Variants in MME observed in about 807,000 individuals in gnomAD.
MME encodes the protein neprilysin.
MME carries 98 observed loss-of-function variants against 113.2 expected under a neutral mutation model. The observed-to-expected ratio is 0.87, with a 90% confidence interval of 0.74 to 1.02. MME has a LOEUF of 1.02. MME is among the 50% of genes least tolerant of loss of function. The probability of loss-of-function intolerance (pLI) is 0.00; values close to 1 mark genes in which losing one functional copy is unlikely to be tolerated. For missense variants in MME, 836 were observed against 896.0 expected, an observed-to-expected ratio of 0.93 and a Z score of 0.86; for synonymous variants, 292 against 300.6, an observed-to-expected ratio of 0.97 and a Z score of 0.30.
chr3:155,058,635 G>A (rs1714021928), intron 1 of MME, among the ~76,000 whole-genome samples: 1 of 152,066 alleles, frequency 6.6e-6, no homozygotes, highest in Admixed American at 6.5e-5. Context: ...CATTGGAATT[G>A]AATGTATAAT....
intron 3 of MME, among the ~76,000 whole-genome samples, chr3:155,106,427 A>G (rs1332436608): frequency 6.6e-6 from 1 of 152,160 alleles, no homozygotes; most frequent in Non-Finnish European, 1.5e-5. Flanking sequence ...AAAAATGGAG[A>G]GTGGATTGTG....
intron 1 of MME, among the ~76,000 whole-genome samples, chr3:155,030,779 G>T (rs952141626): frequency 2.0e-5 from 3 of 152,162 alleles, no homozygotes; most frequent in Non-Finnish European, 4.4e-5. Context: ...CTGTCTGGCT[G>T]TATTTTCTAC....
At chr3:155,128,242 G>A (rs922217571) in intron 8 of MME, among the ~76,000 whole-genome samples, 1 of 152,096 alleles carries the variant, frequency 6.6e-6, no homozygotes, top group Non-Finnish European at 1.5e-5. Context: ...GGGTGAGAGC[G>A]TGTGTAGTTA....
rs1713148016 is a variant in MME at position 155,182,073 on chromosome 3, T to C, written c.*1614T>C. 6.6e-6 allele frequency: 1 copy of C among 152,158 alleles called. No homozygotes were observed. The highest frequency in any genetic ancestry group is 1.5e-5 in the Non-Finnish European group (1 of 68,014). The allele number at this position is 152,158 out of a possible 1,614,324, so 9.4% of individuals were successfully genotyped here. A position where few individuals can be genotyped will look rare whatever the true frequency, so the allele number is the denominator to read the frequency against. ...TACCAGCGCTCTAAAAGCACCTCCTTGTCACTTTATTACTCCCAGAACAAC... is the reference window on the plus strand; with the variant it reads ...TACCAGCGCTCTAAAAGCACCTCCTCGTCACTTTATTACTCCCAGAACAAC... On this transcript the variant is annotated 3_prime_UTR_variant, in exon 23 of 23. Transcript: ENST00000360490.
At chr3:155,056,657 T>C (rs1252057307) in intron 1 of MME, among the ~76,000 whole-genome samples, 1 of 151,988 alleles carries the variant, frequency 6.6e-6, no homozygotes, top group African/African-American at 2.4e-5. Flanking sequence ...TGTGTCTTTA[T>C]AGCAGCATGA....
intron 1 of MME, among the ~76,000 whole-genome samples, chr3:155,072,755 G>T (rs1714623242): frequency 6.6e-6 from 1 of 152,142 alleles, no homozygotes; most frequent in African/African-American, 2.4e-5. Flanking sequence ...ATATCTGCAG[G>T]TTTTTTCTGA....
intron 17 of MME, among the ~76,000 whole-genome samples, chr3:155,164,970 A>G (rs556000987): frequency 8.4e-4 from 128 of 152,248 alleles, no homozygotes; most frequent in African/African-American, 2.9e-3. Context: ...AGCCCATGCA[A>G]GGTTATACTG....
chr3:155,158,900 T>C (rs1722507729), intron 16 of MME: 1 of 152,034 alleles, frequency 6.6e-6, no homozygotes, highest in African/African-American at 2.4e-5. Context: ...AAATGCTTTC[T>C]CGATTTAAAA....
chr3:155,173,126 G>A (rs537570532), intron 22 of MME, among the ~76,000 whole-genome samples: 20 of 152,088 alleles, frequency 1.3e-4, no homozygotes, highest in Non-Finnish European at 2.4e-4. Context: ...GTAGAAAACT[G>A]AGCTAGAAGA....
intron 1 of MME, among the ~76,000 whole-genome samples, chr3:155,069,287 C>A (rs1279876583): frequency 6.6e-6 from 1 of 151,950 alleles, no homozygotes; most frequent in Admixed American, 6.6e-5. Flanking sequence ...AGGGAGAGAC[C>A]AGTACAATGT....
intron 20 of MME, 148 bp from the exon 21 acceptor site, chr3:155,171,969 A>T: frequency 1.6e-6 from 1 of 617,434 alleles, no homozygotes; most frequent in Non-Finnish European, 2.9e-6. Context: ...CTAATCCATA[A>T]AATAGTTGTA....
At chr3:155,036,392 C>T (rs73874461) in intron 1 of MME, among the ~76,000 whole-genome samples, 8,098 of 151,978 alleles carry the variant, frequency 0.053, 636 homozygotes, top group African/African-American at 0.17. Context: ...TTTTTATTAA[C>T]CCCAACATTT....
At chr3:155,102,476 C>G (rs1234734589) in intron 3 of MME, among the ~76,000 whole-genome samples, 1 of 152,176 alleles carries the variant, frequency 6.6e-6, no homozygotes, top group Non-Finnish European at 1.5e-5. Flanking sequence ...GCTTCATCCC[C>G]TCACCTAACC....
At chr3:155,054,610 C>A (rs1460365960) in intron 1 of MME, among the ~76,000 whole-genome samples, 2 of 152,088 alleles carry the variant, frequency 1.3e-5, no homozygotes, top group Non-Finnish European at 2.9e-5. Context: ...TCACCAAGGT[C>A]AGGAGTTCGA....
chr3:155,063,552 TA>T (rs1714256316), intron 1 of MME, among the ~76,000 whole-genome samples: 1 of 120,420 alleles, frequency 8.3e-6, no homozygotes, highest in Admixed American at 1.0e-4. Flanking sequence ...ATAATATATT[TA>T]TTTAATAAAT....
At chr3:155,118,073 C>G (rs1166228323) in intron 7 of MME, among the ~76,000 whole-genome samples, 1 of 152,196 alleles carries the variant, frequency 6.6e-6, no homozygotes, top group African/African-American at 2.4e-5. Context: ...ACTGAGTTTC[C>G]TCTTTCACAC....
chr3:155,064,501 G>A (rs1714321813), intron 1 of MME, among the ~76,000 whole-genome samples: 1 of 152,146 alleles, frequency 6.6e-6, no homozygotes, highest in Admixed American at 6.5e-5. Flanking sequence ...TACGAAATGT[G>A]TGAAATAATG....
intron 1 of MME, among the ~76,000 whole-genome samples, chr3:155,030,816 A>C (rs57242128): frequency 0.021 from 3,269 of 152,344 alleles, 113 homozygotes; most frequent in African/African-American, 0.069. Context: ...CTAAGTGCCT[A>C]TGCATGAAGG....
At chr3:155,138,814 G>T (rs753493819) in intron 9 of MME, among the ~76,000 whole-genome samples, 1 of 152,146 alleles carries the variant, frequency 6.6e-6, no homozygotes, top group Non-Finnish European at 1.5e-5. Context: ...TGGAGTCTGA[G>T]TTGGCACTTT....
Sources: allele counts gnomAD v4.1 joint callset (sites outside exome capture counted in the v4.1 genomes callset), GRCh38; gene constraint gnomAD v4.1.1; transcripts MANE v1.5; gene names NCBI Gene and HGNC (gene_info 2026-07-23, HGNC 2026-07-21).